ERC2: variants seen among roughly 807,000 people sequenced by gnomAD.
The protein encoded by ERC2 is ERC protein 2.
ERC2 carries 42 observed loss-of-function variants against 114.8 expected under a neutral mutation model. The observed-to-expected ratio is 0.37, with a 90% confidence interval of 0.29 to 0.47. The LOEUF (loss-of-function observed/expected upper bound fraction) is 0.47, where lower values mean the gene tolerates loss of function less well. Among genes scored for constraint, ERC2 ranks in the 20% least tolerant of loss-of-function variants. ERC2 has a pLI of 0.99. For synonymous variants in ERC2, 454 were observed against 425.5 expected (o/e 1.07, Z -0.82); for missense variants, 939 against 1,150.7 (o/e 0.82, Z 2.66).
intron 2 of ERC2, among the ~76,000 whole-genome samples, chr3:56,428,004 C>T (rs1245515288): frequency 6.6e-6 from 1 of 152,132 alleles, no homozygotes; most frequent in Non-Finnish European, 1.5e-5. Flanking sequence ...CCTGCACACA[C>T]TTTGGAAATA....
chr3:56,070,022 A>AC (rs1196865675), intron 7 of ERC2, among the ~76,000 whole-genome samples: 2 of 152,162 alleles, frequency 1.3e-5, no homozygotes, highest in Non-Finnish European at 2.9e-5. Context: ...AGAACACATT[A>AC]CCCTTACTTT....
chr3:56,107,749 C>CA (rs1200963612), intron 6 of ERC2, among the ~76,000 whole-genome samples: 3 of 152,144 alleles, frequency 2.0e-5, no homozygotes, highest in Non-Finnish European at 4.4e-5. Context: ...CTCAATCTAA[C>CA]AAAGTAAGGG....
Position 56,139,686 on chromosome 3 carries a change from A to C in ERC2, c.1306-10T>G, listed in dbSNP as rs367704850. On this transcript the variant is annotated splice_polypyrimidine_tract_variant and intron_variant, in intron 5 of 17. Coordinates refer to ENST00000288221, the MANE Select transcript of ERC2 (RefSeq NM_015576.3). ...GCTTCAGCTGATCAATCTGCAAAAC[A>C]ACAACAAAATTGCAAGAAATTAGAA... 47 of 1,585,094 alleles carry C rather than the reference A, an allele frequency of 3.0e-5. No individual in the cohort carries two copies. The African/African-American group carries it at 5.0e-4, about 17-fold the overall frequency.
rs1469656008 is a variant in ERC2, at chr3:55,882,138, GGTGA to G, written c.2564+6247_2564+6250del. On this transcript the variant is annotated intron_variant, in intron 14 of 17. Coordinates refer to ENST00000288221, the MANE Select transcript of ERC2 (RefSeq NM_015576.3). The stretch of plus-strand genomic sequence containing the variant: ...ATAGATTAATGCCCTCTCCCTTGGG[GGTGA>G]GTGAGTTCTCACTCTGCTAGTTTCC... Among the ~76,000 whole-genome samples, 7 of 152,278 alleles carry G rather than the reference GGTGA, an allele frequency of 4.6e-5. No homozygotes were observed. In the South Asian group the frequency reaches 1.2e-3, roughly 27 times the overall value.
intron 14 of ERC2, among the ~76,000 whole-genome samples, chr3:55,846,792 A>G (rs2061390322): frequency 6.6e-6 from 1 of 151,212 alleles, no homozygotes; most frequent in Admixed American, 6.6e-5. Context: ...GAGAGATGTC[A>G]GGTTTCCATT....
At chr3:55,816,869 C>A (rs2059922377) in intron 14 of ERC2, among the ~76,000 whole-genome samples, 1 of 152,154 alleles carries the variant, frequency 6.6e-6, no homozygotes, top group East Asian at 1.9e-4. Context: ...GTAGAAATTC[C>A]TTACATAAAT....
chr3:56,253,282 G>A (rs1013891830), intron 3 of ERC2, among the ~76,000 whole-genome samples: 1 of 152,026 alleles, frequency 6.6e-6, no homozygotes. Flanking sequence ...TAATTTTGAT[G>A]GCTATATGAT....
chr3:55,656,472 C>T (rs1026571816), intron 17 of ERC2, among the ~76,000 whole-genome samples: 2 of 152,150 alleles, frequency 1.3e-5, no homozygotes, highest in African/African-American at 2.4e-5. Flanking sequence ...ATGCACTTTA[C>T]ATGGTAGCTA....
intron 14 of ERC2, among the ~76,000 whole-genome samples, chr3:55,793,911 T>C (rs2070261976): frequency 6.6e-6 from 1 of 152,212 alleles, no homozygotes. Flanking sequence ...GTAAAATCCC[T>C]GTGTAATTGC....
At chr3:56,086,762 C>G (rs770955361) in intron 6 of ERC2, among the ~76,000 whole-genome samples, 47 of 152,128 alleles carry the variant, frequency 3.1e-4, no homozygotes, top group Non-Finnish European at 5.6e-4. Context: ...AAGTTCCCCT[C>G]ACTAATATTC....
chr3:56,051,826 A>AACACACAC (rs370057271), intron 7 of ERC2, among the ~76,000 whole-genome samples: 100 of 130,116 alleles, frequency 7.7e-4, no homozygotes, highest in Admixed American at 1.8e-3. Context: ...CTCCATCTCA[A>AACACACAC]ACACACACAC....
intron 17 of ERC2, among the ~76,000 whole-genome samples, chr3:55,677,307 T>C (rs555442736): frequency 6.6e-6 from 1 of 152,262 alleles, no homozygotes; most frequent in African/African-American, 2.4e-5. Context: ...GAGGGTATGT[T>C]TATAGGGTAA....
chr3:56,369,728 G>A (rs2059291358), intron 2 of ERC2, among the ~76,000 whole-genome samples: 1 of 151,572 alleles, frequency 6.6e-6, no homozygotes, highest in African/African-American at 2.4e-5. Flanking sequence ...CCAGGCTGGA[G>A]TGCAGTGGCA....
At chr3:55,583,331 T>TTGCC (rs2057352384) in intron 17 of ERC2, among the ~76,000 whole-genome samples, 2 of 151,554 alleles carry the variant, frequency 1.3e-5, no homozygotes, top group Non-Finnish European at 2.9e-5. Flanking sequence ...GTGTGGAAGC[T>TTGCC]TGCCTGCCTG....
chr3:55,707,390 G>T (rs781289455), intron 15 of ERC2, among the ~76,000 whole-genome samples: 1 of 152,168 alleles, frequency 6.6e-6, no homozygotes, highest in Non-Finnish European at 1.5e-5. Context: ...AATAAGCTGT[G>T]ATCATGCCAA....
At chr3:56,223,636 A>G (rs1046352569) in intron 3 of ERC2, among the ~76,000 whole-genome samples, 1 of 151,684 alleles carries the variant, frequency 6.6e-6, no homozygotes, top group African/African-American at 2.4e-5. Context: ...CCCCTTTTTT[A>G]AAATCCCTGC....
At chr3:55,738,526 T>C (rs1245515562) in intron 14 of ERC2, among the ~76,000 whole-genome samples, 1 of 152,134 alleles carries the variant, frequency 6.6e-6, no homozygotes, top group Non-Finnish European at 1.5e-5. Context: ...CTATAATATG[T>C]TCTGTCTGTC....
intron 6 of ERC2, among the ~76,000 whole-genome samples, chr3:56,114,163 A>G (rs766402086): frequency 1.3e-5 from 2 of 152,234 alleles, no homozygotes; most frequent in Non-Finnish European, 2.9e-5. Context: ...ATGCACAGTA[A>G]GCAAACATGC....
chr3:56,149,398 A>G (rs965935926), intron 4 of ERC2, among the ~76,000 whole-genome samples: 5 of 152,222 alleles, frequency 3.3e-5, no homozygotes, highest in Admixed American at 6.5e-5. Context: ...GAATCAAATT[A>G]CCAAAGCAAC....
Sources: allele counts gnomAD v4.1 joint callset (sites outside exome capture counted in the v4.1 genomes callset), GRCh38; gene constraint gnomAD v4.1.1; transcripts MANE v1.5; gene names NCBI Gene and HGNC (gene_info 2026-07-23, HGNC 2026-07-21).